Variants in CDH13 observed in about 807,000 individuals in gnomAD.
The protein encoded by CDH13 is cadherin-13.
A neutral mutation model predicts 63.8 loss-of-function variants in CDH13; 24 were observed. That is an observed-to-expected ratio of 0.38 (90% CI 0.27 to 0.53). The LOEUF (loss-of-function observed/expected upper bound fraction) is 0.53. CDH13 is among the 20% of genes least tolerant of loss of function. CDH13 has a pLI of 0.85. For synonymous variants in CDH13, 503 were observed against 355.3 expected (o/e 1.42, Z -4.67); for missense variants, 1,049 against 903.1 (o/e 1.16, Z -2.07).
At chr16:83,172,352 G>C (rs556599697) in intron 4 of CDH13, among the ~76,000 whole-genome samples, 16 of 152,098 alleles carry the variant, frequency 1.1e-4, no homozygotes, top group Middle Eastern at 3.4e-3. Context: ...TTAGCCAGGC[G>C]TAGTGGTGCA....
At chr16:83,229,758 G>C (rs2151801444) in intron 5 of CDH13, among the ~76,000 whole-genome samples, 1 of 152,272 alleles carries the variant, frequency 6.6e-6, no homozygotes, top group Middle Eastern at 3.4e-3. Flanking sequence ...ATGTTGGAAA[G>C]CCTGCAGGCC....
intron 8 of CDH13, among the ~76,000 whole-genome samples, chr16:83,651,525 C>T (rs1282663766): frequency 6.7e-6 from 1 of 149,298 alleles, no homozygotes; most frequent in East Asian, 2.0e-4. Context: ...ACAAAGATAA[C>T]AAGATGCAGC....
intron 7 of CDH13, among the ~76,000 whole-genome samples, chr16:83,557,947 C>G (rs556563788): frequency 6.6e-5 from 10 of 152,068 alleles, no homozygotes; most frequent in Non-Finnish European, 1.2e-4. Flanking sequence ...TCTATAGATC[C>G]GTCACTTCCA....
intron 10 of CDH13, among the ~76,000 whole-genome samples, chr16:83,714,077 G>A (rs529547242): frequency 6.6e-6 from 1 of 152,274 alleles, no homozygotes; most frequent in South Asian, 2.1e-4. Flanking sequence ...AAAACTCTGG[G>A]GCAGTGAGTG....
intron 3 of CDH13, among the ~76,000 whole-genome samples, chr16:83,042,465 G>A (rs775774711): frequency 4.6e-5 from 7 of 152,100 alleles, no homozygotes; most frequent in Admixed American, 6.5e-5. Context: ...CCATGTAGTC[G>A]CAGGAAAACA....
intron 11 of CDH13, among the ~76,000 whole-genome samples, chr16:83,751,681 C>G (rs1159969398): frequency 1.3e-5 from 2 of 152,166 alleles, no homozygotes; most frequent in Non-Finnish European, 2.9e-5. Flanking sequence ...TCTGCGCAAG[C>G]ATAACATAAA....
chr16:83,662,824 G>A (rs940314826), intron 8 of CDH13, among the ~76,000 whole-genome samples: 2 of 152,192 alleles, frequency 1.3e-5, no homozygotes, highest in African/African-American at 4.8e-5. Context: ...GGCAGCTGGA[G>A]TGAAAATGAG....
At chr16:82,722,321 T>C (rs983313869) in intron 1 of CDH13, among the ~76,000 whole-genome samples, 1 of 152,172 alleles carries the variant, frequency 6.6e-6, no homozygotes, top group Non-Finnish European at 1.5e-5. Flanking sequence ...TACTTTTTTC[T>C]ATGGTGACTT....
intron 3 of CDH13, among the ~76,000 whole-genome samples, chr16:83,106,639 A>G (rs1349942781): frequency 6.6e-6 from 1 of 152,246 alleles, no homozygotes; most frequent in Non-Finnish European, 1.5e-5. Flanking sequence ...TTGTGCCGCA[A>G]CTAAAATTAT....
chr16:83,230,787 A>T (rs193271083), intron 5 of CDH13, among the ~76,000 whole-genome samples: 1 of 152,230 alleles, frequency 6.6e-6, no homozygotes, highest in African/African-American at 2.4e-5. Flanking sequence ...CTCTGTCTCA[A>T]AGTTATCCCA....
At chr16:82,982,553 C>A (rs887410098) in intron 2 of CDH13, among the ~76,000 whole-genome samples, 1 of 152,190 alleles carries the variant, frequency 6.6e-6, no homozygotes, top group Non-Finnish European at 1.5e-5. Context: ...ATGGCTTCAA[C>A]TATCAGTTCT....
chr16:82,934,233 C>A (rs958398031), intron 2 of CDH13, among the ~76,000 whole-genome samples: 1 of 152,218 alleles, frequency 6.6e-6, no homozygotes, highest in African/African-American at 2.4e-5. Context: ...AACTCCAATT[C>A]TTGATTTCTG....
chr16:83,059,789 G>GTTTTTT (rs1256608391), intron 3 of CDH13, among the ~76,000 whole-genome samples: 1 of 98,754 alleles, frequency 1.0e-5, no homozygotes, highest in African/African-American at 3.8e-5. Context: ...TTTTTTTTTT[G>GTTTTTT]TTTGTTTTTT....
At chr16:83,753,576 C>G (rs896987800) in intron 11 of CDH13, among the ~76,000 whole-genome samples, 8 of 152,114 alleles carry the variant, frequency 5.3e-5, no homozygotes, top group Admixed American at 3.3e-4. Flanking sequence ...TAACTGATCT[C>G]TCAACTTTAT....
chr16:83,019,319 C>T (rs1915118212), intron 2 of CDH13, among the ~76,000 whole-genome samples: 1 of 151,870 alleles, frequency 6.6e-6, no homozygotes, highest in Non-Finnish European at 1.5e-5. Flanking sequence ...ATACATTTGC[C>T]TAGGCCTACA....
At chr16:83,783,037 A>C (rs1469348367) in intron 12 of CDH13, among the ~76,000 whole-genome samples, 2 of 152,230 alleles carry the variant, frequency 1.3e-5, no homozygotes, top group African/African-American at 2.4e-5. Context: ...AGGAGCCAGC[A>C]GCCATGTGTG....
At chr16:83,014,854 TTG>T (rs1206846542) in intron 2 of CDH13, among the ~76,000 whole-genome samples, 2 of 118,096 alleles carry the variant, frequency 1.7e-5, no homozygotes, top group Non-Finnish European at 3.5e-5. Context: ...ATATATATAT[TTG>T]TATATATATA....
chr16:83,190,475 T>A (rs911783097), intron 4 of CDH13, among the ~76,000 whole-genome samples: 1 of 152,236 alleles, frequency 6.6e-6, no homozygotes, highest in African/African-American at 2.4e-5. Context: ...CCAATTGTCC[T>A]TTATTTTCAG....
chr16:82,676,486 CTTTTTTT>C (rs11330492), intron 1 of CDH13, among the ~76,000 whole-genome samples: 18 of 96,374 alleles, frequency 1.9e-4, no homozygotes, highest in Admixed American at 5.0e-4. Context: ...ACCATCATTT[CTTTTTTT>C]TTTTTTTTTT....
Sources: allele counts gnomAD v4.1 joint callset (sites outside exome capture counted in the v4.1 genomes callset), GRCh38; gene constraint gnomAD v4.1.1; transcripts MANE v1.5; gene names NCBI Gene and HGNC (gene_info 2026-07-23, HGNC 2026-07-21).